The following CTNNA2 variants were observed in gnomAD, a reference collection of about 807,000 sequenced individuals.
CTNNA2 encodes the protein catenin alpha 2.
CTNNA2 carries 42 observed loss-of-function variants against 101.0 expected under a neutral mutation model. The ratio of observed to expected loss-of-function variants is 0.42; its 90% confidence interval spans 0.32 to 0.54. The LOEUF is 0.54. CTNNA2 is among the 20% of genes least tolerant of loss of function. The pLI, the probability that CTNNA2 is intolerant of heterozygous loss-of-function variation, is 0.14. For synonymous variants in CTNNA2, 450 were observed against 456.4 expected (o/e 0.99, Z 0.18); for missense variants, 871 against 1,223.1 (o/e 0.71, Z 4.29).
At chr2:80,194,813 TTG>T (rs1275690806) in intron 7 of CTNNA2, among the ~76,000 whole-genome samples, 1 of 151,028 alleles carries the variant, frequency 6.6e-6, no homozygotes, top group Non-Finnish European at 1.5e-5. Flanking sequence ...ATCTGTGTTT[TTG>T]TGTGTGTATA....
Position 80,302,348 on chromosome 2 carries a change from T to C in CTNNA2, c.1057-90863T>C. The stretch of plus-strand genomic sequence containing the variant: ...TCCCTCAATGTGGTTCGGTTTGTAA[T>C]CAACGTAGTATTCCTGGGCAGACAT... On this transcript the variant is annotated intron_variant, in intron 7 of 18. Coordinates refer to ENST00000402739, the MANE Select transcript of CTNNA2 (RefSeq NM_001282597.3). This position sits in a 1 kb window ranked among gnomAD's most constrained non-coding sequence, Gnocchi z 6.4. The C allele has an allele frequency of 6.2e-7, 1 of 1,614,252 alleles. No homozygotes were observed. Among genetic ancestry groups the C allele is most frequent in the Non-Finnish European group, 8.5e-7 (1 of 1,180,036 alleles).
chr2:80,387,395 G>T (rs933807003), intron 7 of CTNNA2, among the ~76,000 whole-genome samples: 1 of 152,116 alleles, frequency 6.6e-6, no homozygotes, highest in Non-Finnish European at 1.5e-5. Context: ...TATTCAGCAT[G>T]TTTATATAAA....
intron 4 of CTNNA2, among the ~76,000 whole-genome samples, chr2:79,453,835 G>T (rs1670782244): frequency 6.6e-6 from 1 of 152,042 alleles, no homozygotes; most frequent in African/African-American, 2.4e-5. Context: ...TGTATGAGAG[G>T]CCATAGAGAC....
chr2:79,772,615 C>T (rs72912721), intron 3 of CTNNA2, among the ~76,000 whole-genome samples: 17,724 of 152,064 alleles, frequency 0.12, 1,355 homozygotes, highest in South Asian at 0.3. Flanking sequence ...TTCTGTTGCC[C>T]GGGCTGGAGT....
intron 1 of CTNNA2, among the ~76,000 whole-genome samples, chr2:79,524,327 C>T (rs533503031): frequency 4.6e-5 from 7 of 151,554 alleles, no homozygotes; most frequent in African/African-American, 1.4e-4. Flanking sequence ...TTTTTATTAC[C>T]GTTGGGAAAG....
chr2:79,405,230 C>G (rs1375806573), intron 4 of CTNNA2, among the ~76,000 whole-genome samples: 1 of 152,014 alleles, frequency 6.6e-6, no homozygotes, highest in Non-Finnish European at 1.5e-5. Flanking sequence ...CATGCTATAA[C>G]CACAAGAAAA....
chr2:79,513,742 G>T (rs997454668), intron 1 of CTNNA2, among the ~76,000 whole-genome samples: 4 of 151,264 alleles, frequency 2.6e-5, no homozygotes, highest in African/African-American at 7.3e-5. Context: ...TAGGGTGGGG[G>T]TGGGGAGGGT....
chr2:80,036,463 G>A (rs1574600986), intron 7 of CTNNA2, among the ~76,000 whole-genome samples: 1 of 152,120 alleles, frequency 6.6e-6, no homozygotes, highest in African/African-American at 2.4e-5. Flanking sequence ...AAATTAGCCT[G>A]GTGTGGTGGG....
chr2:80,020,629 A>C (rs539072970), intron 7 of CTNNA2, among the ~76,000 whole-genome samples: 46 of 152,334 alleles, frequency 3.0e-4, no homozygotes, highest in Middle Eastern at 3.4e-3. Context: ...CTATTCTTCT[A>C]TACTATGCAG....
At chr2:79,540,254 C>T (rs564054100) in intron 1 of CTNNA2, among the ~76,000 whole-genome samples, 1 of 152,296 alleles carries the variant, frequency 6.6e-6, no homozygotes, top group African/African-American at 2.4e-5. Context: ...CAACACCTGG[C>T]TCTGCCACTT....
chr2:79,720,697 T>C (rs1482834939), intron 2 of CTNNA2, among the ~76,000 whole-genome samples: 2 of 152,140 alleles, frequency 1.3e-5, no homozygotes, highest in Admixed American at 6.6e-5. Context: ...ATGGACACCA[T>C]TGGTATATAG....
intron 3 of CTNNA2, among the ~76,000 whole-genome samples, chr2:79,349,056 C>G (rs970658258): frequency 6.6e-6 from 1 of 152,100 alleles, no homozygotes; most frequent in Non-Finnish European, 1.5e-5. Context: ...GTGGAAATTC[C>G]TCTTAGCAAC....
chr2:79,630,917 A>G, intron 1 of CTNNA2, among the ~76,000 whole-genome samples: 1 of 151,932 alleles, frequency 6.6e-6, no homozygotes, highest in East Asian at 1.9e-4. Context: ...GCATACATAG[A>G]TAAGGTATGA....
intron 12 of CTNNA2, among the ~76,000 whole-genome samples, chr2:80,562,976 A>T (rs143989766): frequency 6.6e-6 from 1 of 151,466 alleles, no homozygotes; most frequent in Non-Finnish European, 1.5e-5. Flanking sequence ...GCATGTGTGT[A>T]TAGGCCATAA....
intron 3 of CTNNA2, among the ~76,000 whole-genome samples, chr2:79,773,028 C>T (rs1673705393): frequency 6.6e-6 from 1 of 152,154 alleles, no homozygotes; most frequent in Admixed American, 6.6e-5. Context: ...GATTTTCTCT[C>T]CTATAGGCCT....
Position 79,909,695 on chromosome 2 carries a change from C to T in CTNNA2, c.954C>T (p.Ala318=). The stretch of plus-strand genomic sequence containing the variant: ...TCATCAGCGGCGCAGCGCTGATGGC[C>T]GACTCCTCCTGCACGCGAGACGACC... The part of the protein sequence containing the change: ...ESIISGAALM[A]DSSCTRDDRR... The change falls in exon 7 of 19, where the codon GCC becomes GCT. Residue 318 remains alanine (A), a synonymous_variant. Transcript: ENST00000402739. 2.5e-6 allele frequency: 4 copies of T among 1,613,952 alleles called. No individual in the cohort carries two copies. The highest frequency in any genetic ancestry group is 3.4e-6 in the Non-Finnish European group (4 of 1,179,926).
intron 3 of CTNNA2, among the ~76,000 whole-genome samples, chr2:79,818,479 AT>A (rs905917220): frequency 1.0e-4 from 15 of 148,102 alleles, no homozygotes; most frequent in Non-Finnish European, 2.1e-4. Context: ...TGCCCGGCTT[AT>A]TTTTTTTTGT....
At chr2:79,648,651 G>A (rs1285767800) in intron 1 of CTNNA2, among the ~76,000 whole-genome samples, 1 of 152,112 alleles carries the variant, frequency 6.6e-6, no homozygotes, top group African/African-American at 2.4e-5. Flanking sequence ...CTGATATGAA[G>A]CTAAAATGCC....
intron 7 of CTNNA2, among the ~76,000 whole-genome samples, chr2:80,038,289 G>A (rs903988853): frequency 2.9e-4 from 44 of 152,086 alleles, no homozygotes; most frequent in African/African-American, 1.1e-3. Flanking sequence ...ATAGAAATGG[G>A]AGATGGGGAG....
Sources: gnomAD v4.1 joint callset for allele counts (sites outside exome capture counted in the v4.1 genomes callset) on GRCh38, gnomAD v4.1.1 for gene constraint, Gnocchi (gnomAD v3.1) non-coding constraint, MANE v1.5 for transcripts, NCBI Gene and HGNC (gene_info 2026-07-23, HGNC 2026-07-21) for gene names.